The following PAPSS2 variants were observed in gnomAD, a reference collection of about 807,000 sequenced individuals.
PAPSS2 encodes 3'-phosphoadenosine 5'-phosphosulfate synthase 2.
In PAPSS2, 61 loss-of-function variants were observed where a neutral mutation model predicts 66.5. The ratio of observed to expected loss-of-function variants is 0.92; its 90% confidence interval spans 0.75 to 1.14. PAPSS2 has a LOEUF of 1.14. PAPSS2 is among the 50% of genes most tolerant of loss of function. The pLI is 0.00. For missense variants in PAPSS2, 708 were observed against 789.6 expected, an observed-to-expected ratio of 0.90 and a Z score of 1.24; for synonymous variants, 289 against 287.5, an observed-to-expected ratio of 1.01 and a Z score of -0.05.
At chr10:87,676,960 G>A (rs567350276) in intron 1 of PAPSS2, among the ~76,000 whole-genome samples, 71 of 148,254 alleles carry the variant, frequency 4.8e-4, no homozygotes, top group African/African-American at 1.7e-3. Flanking sequence ...TTGGGAGGCC[G>A]AGGCAGGCAG....
intron 1 of PAPSS2, among the ~76,000 whole-genome samples, chr10:87,673,899 G>C (rs1209887688): frequency 6.6e-6 from 1 of 151,898 alleles, no homozygotes; most frequent in Non-Finnish European, 1.5e-5. Context: ...CTGAATTTTT[G>C]TTCTAGAAGG....
At chr10:87,710,321 A>C (rs915250890) in intron 2 of PAPSS2, among the ~76,000 whole-genome samples, 1 of 152,148 alleles carries the variant, frequency 6.6e-6, no homozygotes, top group South Asian at 2.1e-4. Context: ...TGGACTGTGC[A>C]TCGAAACAAC....
At chr10:87,719,179 C>A (rs571058226) in intron 7 of PAPSS2, among the ~76,000 whole-genome samples, 1 of 152,150 alleles carries the variant, frequency 6.6e-6, no homozygotes, top group Admixed American at 6.6e-5. Flanking sequence ...CCCTACCACT[C>A]GCCGTATGTT....
intron 7 of PAPSS2, among the ~76,000 whole-genome samples, chr10:87,716,698 C>T (rs562005344): frequency 2.0e-5 from 3 of 152,252 alleles, no homozygotes; most frequent in African/African-American, 7.2e-5. Flanking sequence ...GGGGCATGAA[C>T]TCAGAATCAG....
intron 1 of PAPSS2, among the ~76,000 whole-genome samples, chr10:87,706,630 G>C (rs1853394565): frequency 6.6e-6 from 1 of 151,868 alleles, no homozygotes; most frequent in Admixed American, 6.6e-5. Context: ...ATGATGGTGT[G>C]CACCTGTAGT....
chr10:87,683,742 T>C (rs1431032270), intron 1 of PAPSS2, among the ~76,000 whole-genome samples: 2 of 151,720 alleles, frequency 1.3e-5, no homozygotes, highest in East Asian at 3.9e-4. Context: ...CAGGCTGGAA[T>C]ACAGTGGTGT....
Position 87,745,972 on chromosome 10 carries a change from C to CTA in PAPSS2, c.*2_*3insTA. 6.2e-7 allele frequency: 1 copy of CTA among 1,613,832 alleles called. No homozygotes were observed. The highest frequency in any genetic ancestry group is 8.5e-7 in the Non-Finnish European group (1 of 1,179,768). On this transcript the variant is annotated 3_prime_UTR_variant, in exon 13 of 13. Coordinates refer to ENST00000456849, the MANE Select transcript of PAPSS2 (RefSeq NM_001015880.2). ...TACAGGTCCCTGGAGAAGAACTAAG[C>CTA]CTTTGGCTCCAGAGTTTCTTTCTGA... is the stretch of plus-strand genomic sequence containing the variant.
At chr10:87,721,548 T>A (rs951747440) in intron 7 of PAPSS2, among the ~76,000 whole-genome samples, 10 of 152,236 alleles carry the variant, frequency 6.6e-5, no homozygotes, top group Admixed American at 6.5e-4. Context: ...TTGGATTGTA[T>A]TGAACAACAT....
At chr10:87,688,354 AC>A (rs1183156042) in intron 1 of PAPSS2, among the ~76,000 whole-genome samples, 2 of 151,682 alleles carry the variant, frequency 1.3e-5, no homozygotes, top group African/African-American at 4.8e-5. Flanking sequence ...GGATGGTAAA[AC>A]CTTAAATATA....
intron 1 of PAPSS2, among the ~76,000 whole-genome samples, chr10:87,688,635 T>C (rs1342172356): frequency 6.6e-6 from 1 of 151,890 alleles, no homozygotes; most frequent in African/African-American, 2.4e-5. Context: ...AATTTTTTTG[T>C]ATTTTTAGTA....
intron 9 of PAPSS2, among the ~76,000 whole-genome samples, chr10:87,728,412 GC>G (rs1853685836): frequency 6.6e-6 from 1 of 152,224 alleles, no homozygotes; most frequent in African/African-American, 2.4e-5. Flanking sequence ...GACAAGGCAT[GC>G]CCTCCCTCTG....
chr10:87,685,425 C>T (rs1535369), intron 1 of PAPSS2, among the ~76,000 whole-genome samples: 18,732 of 152,170 alleles, frequency 0.12, 1,725 homozygotes, highest in East Asian at 0.33. Flanking sequence ...TGCAGTGGCT[C>T]ATGCCTGCAA....
At chr10:87,696,408 A>C (rs984175517) in intron 1 of PAPSS2, among the ~76,000 whole-genome samples, 2 of 152,208 alleles carry the variant, frequency 1.3e-5, no homozygotes, top group African/African-American at 4.8e-5. Flanking sequence ...GGCTGAATGA[A>C]AATTAATCTC....
chr10:87,708,634 T>C (rs925499571), intron 1 of PAPSS2, among the ~76,000 whole-genome samples: 1 of 152,118 alleles, frequency 6.6e-6, no homozygotes, highest in Non-Finnish European at 1.5e-5. Flanking sequence ...TGTTAAAAGG[T>C]CATGCAACCA....
chr10:87,735,185 A>G (rs1853781907), intron 9 of PAPSS2, among the ~76,000 whole-genome samples: 2 of 152,154 alleles, frequency 1.3e-5, no homozygotes, highest in Admixed American at 6.5e-5. Context: ...CTTCTAGGCC[A>G]CAAAGCCCTG....
chr10:87,716,521 A>G (rs1405466244), intron 7 of PAPSS2, among the ~76,000 whole-genome samples: 2 of 152,198 alleles, frequency 1.3e-5, no homozygotes, highest in Admixed American at 6.5e-5. Context: ...TATCTATTTC[A>G]AGACCTTCGG....
chr10:87,675,570 G>A (rs978972112), intron 1 of PAPSS2, among the ~76,000 whole-genome samples: 3 of 152,260 alleles, frequency 2.0e-5, no homozygotes, highest in Non-Finnish European at 2.9e-5. Flanking sequence ...AATAGGTTGC[G>A]TTGTAAGTCC....
At chr10:87,716,023 G>A (rs1436434938) in intron 7 of PAPSS2, among the ~76,000 whole-genome samples, 180 bp downstream of exon 7, 4 of 152,222 alleles carry the variant, frequency 2.6e-5, no homozygotes, top group Middle Eastern at 3.4e-3. Context: ...AGGATTTTTT[G>A]GTTGTTCTCA....
Position 87,727,482 on chromosome 10 carries a change from A to T in PAPSS2, c.1079A>T (p.His360Leu), listed in dbSNP as rs1450000750. The T allele has an allele frequency of 3.7e-6, 6 of 1,611,198 alleles. No individual in the cohort carries two copies. The highest frequency in any genetic ancestry group is 5.1e-6 in the Non-Finnish European group (6 of 1,178,248). Residue 360 changes from histidine to leucine, a missense_variant, in exon 9 of 13, where the codon CAT becomes CTT. Physicochemically the swap from His to Leu is moderately conservative, Grantham distance 99. Coordinates refer to ENST00000456849, the MANE Select transcript of PAPSS2 (RefSeq NM_001015880.2). ...VWGTTCTKHP[H>L]IKMVMESGDW... is the part of the protein sequence containing the mutation. The stretch of plus-strand genomic sequence containing the variant: ...GGGACAACATGTACAAAACACCCCC[A>T]TATCAAAGTAAGTCACAAAACCTTT...
Sources: gnomAD v4.1 joint callset for allele counts (sites outside exome capture counted in the v4.1 genomes callset) on GRCh38, gnomAD v4.1.1 for gene constraint, MANE v1.5 for transcripts, NCBI Gene and HGNC (gene_info 2026-07-23, HGNC 2026-07-21) for gene names.